The following CILK1 variants were observed in gnomAD, a reference collection of about 807,000 sequenced individuals.
CILK1 encodes ciliogenesis associated kinase 1.
A neutral mutation model predicts 79.2 loss-of-function variants in CILK1; 47 were observed. That is an observed-to-expected ratio of 0.59 (90% CI 0.47 to 0.76). The LOEUF is 0.76. Ranked by LOEUF, CILK1 falls within the 30% of genes least tolerant of loss-of-function variation. CILK1 has a pLI of 0.00. For synonymous variants in CILK1, 266 were observed against 275.9 expected, an observed-to-expected ratio of 0.96 and a Z score of 0.36; for missense variants, 660 against 769.5, an observed-to-expected ratio of 0.86 and a Z score of 1.68.
At chr6:53,031,653 G>C (rs762610875) in intron 4 of CILK1, among the ~76,000 whole-genome samples, 1 of 152,158 alleles carries the variant, frequency 6.6e-6, no homozygotes, top group African/African-American at 2.4e-5. Context: ...CCTCTTGCCA[G>C]CATGCAATTA....
chr6:53,021,171 A>T (rs1328026471), intron 5 of CILK1, among the ~76,000 whole-genome samples: 1 of 152,192 alleles, frequency 6.6e-6, no homozygotes. Flanking sequence ...AAAATATTTT[A>T]AAAATTAGCC....
intron 11 of CILK1, among the ~76,000 whole-genome samples, chr6:53,009,799 C>T (rs1764455123): frequency 6.6e-6 from 1 of 152,166 alleles, no homozygotes; most frequent in Non-Finnish European, 1.5e-5. Context: ...GGATCTGTCC[C>T]ACCTCTTGGC....
chr6:53,037,494 C>A (rs1009521920), intron 3 of CILK1, among the ~76,000 whole-genome samples: 1 of 152,078 alleles, frequency 6.6e-6, no homozygotes, highest in Non-Finnish European at 1.5e-5. Flanking sequence ...GGCTGTGGCC[C>A]AGTGCTGGTA....
intron 1 of CILK1, among the ~76,000 whole-genome samples, chr6:53,050,641 C>A (rs988888119): frequency 2.6e-5 from 4 of 151,930 alleles, no homozygotes; most frequent in African/African-American, 4.8e-5. Context: ...GCCTGGGCAA[C>A]AGGGCAAAAC....
chr6:53,032,532 C>T lies in CILK1; in HGVS notation c.278+1G>A. Reference sequence around the variant, plus strand: ...ATAAGATAATGATGACCAAACTGTACCTCTCTTTAATGAGCTGGTAAAGAT... The same window carrying T: ...ATAAGATAATGATGACCAAACTGTATCTCTCTTTAATGAGCTGGTAAAGAT... On this transcript the variant is annotated splice_donor_variant, in intron 4 of 13. Coordinates refer to ENST00000676107, the MANE Select transcript of CILK1 (RefSeq NM_014920.5). LOFTEE classifies it high-confidence loss of function. The T allele has an allele frequency of 6.2e-7, 1 of 1,601,838 alleles. No homozygotes were observed. The highest frequency in any genetic ancestry group is 8.5e-7 in the Non-Finnish European group (1 of 1,172,226).
At chr6:53,007,358 G>A (rs1407162731) in intron 12 of CILK1, among the ~76,000 whole-genome samples, 1 of 152,124 alleles carries the variant, frequency 6.6e-6, no homozygotes, top group African/African-American at 2.4e-5. Flanking sequence ...GAAGAAACAT[G>A]AAGAAAAATG....
intron 9 of CILK1, 38 bp from the exon 10 acceptor site, chr6:53,012,265 G>A: frequency 5.7e-6 from 9 of 1,589,806 alleles, no homozygotes; most frequent in Non-Finnish European, 7.8e-6. Flanking sequence ...GCAATACTTG[G>A]CATTAACAGA....
At chr6:53,035,922 C>G (rs2127445016) in intron 3 of CILK1, among the ~76,000 whole-genome samples, 1 of 150,836 alleles carries the variant, frequency 6.6e-6, no homozygotes, top group Admixed American at 6.6e-5. Flanking sequence ...GGCTGTGGCC[C>G]AGTGCTGCTA....
intron 12 of CILK1, 63 bp downstream of exon 12, chr6:53,009,376 C>G: frequency 6.5e-7 from 1 of 1,543,112 alleles, no homozygotes; most frequent in Non-Finnish European, 9.0e-7. Flanking sequence ...ACTCCTTGTG[C>G]CCACCTTCCT....
At chr6:53,056,155 T>C (rs1767851611) in intron 1 of CILK1, among the ~76,000 whole-genome samples, 2 of 152,202 alleles carry the variant, frequency 1.3e-5, no homozygotes. Flanking sequence ...GCATTATCTT[T>C]TACGGTAGTT....
In CILK1 at chr6:53,014,077, T is replaced by C. The variant is rs538860991; in HGVS notation, c.832-95A>G. On this transcript the variant is annotated intron_variant, in intron 8 of 13. Coordinates refer to ENST00000676107, the MANE Select transcript of CILK1 (RefSeq NM_014920.5). Reference sequence around the variant, plus strand: ...CTATATTTCATTGTGACCAGTTTACTACTGTTTCTTAGCCCAATTAGAAAA... The same window carrying C: ...CTATATTTCATTGTGACCAGTTTACCACTGTTTCTTAGCCCAATTAGAAAA... 8.0e-5 allele frequency: 79 copies of C among 981,854 alleles called. No homozygotes were observed. In the African/African-American group the frequency reaches 1.1e-3, roughly 13 times the overall value. 60.8% of individuals were successfully genotyped at this position (981,854 alleles called of 1,614,324 possible).
In CILK1 at chr6:53,056,861, C is replaced by T. The variant is rs536982176; in HGVS notation, c.-173+4735G>A. On this transcript the variant is annotated intron_variant, in intron 1 of 13. Coordinates refer to ENST00000676107, the MANE Select transcript of CILK1 (RefSeq NM_014920.5). ...GTCCACCCTCACTGTCATCCCGTCA[C>T]GCCCCACTTCTTTGCAAACTGGACA... Among the ~76,000 whole-genome samples the T allele has an allele frequency of 3.2e-4, 48 of 152,330 alleles. 1 individual carries two copies. The highest frequency in any genetic ancestry group is 4.6e-4 in the Admixed American group (7 of 15,306).
chr6:53,006,534 G>A (rs1432298898), intron 12 of CILK1, 97 bp from the exon 13 acceptor site: 33 of 1,383,418 alleles, frequency 2.4e-5, no homozygotes, highest in Non-Finnish European at 2.9e-5. Flanking sequence ...AACAAACTAA[G>A]TTTTTACTTT....
At chr6:53,014,889 A>C (rs148252970) in intron 8 of CILK1, among the ~76,000 whole-genome samples, 71 of 152,194 alleles carry the variant, frequency 4.7e-4, no homozygotes, top group African/African-American at 1.5e-3. Context: ...TTTTCTTTCC[A>C]TTTCTTACAT....
At chr6:53,040,068 A>G (rs898266859) in intron 2 of CILK1, among the ~76,000 whole-genome samples, 1 of 152,194 alleles carries the variant, frequency 6.6e-6, no homozygotes, top group African/African-American at 2.4e-5. Flanking sequence ...TATGCTAAAT[A>G]TGAGTGTAGT....
chr6:53,035,083 C>T (rs556523530), intron 3 of CILK1, among the ~76,000 whole-genome samples: 1 of 152,300 alleles, frequency 6.6e-6, no homozygotes, highest in South Asian at 2.1e-4. Flanking sequence ...ACGTATATAC[C>T]TGCTGAGTTC....
intron 1 of CILK1, among the ~76,000 whole-genome samples, chr6:53,059,798 T>C (rs1407630000): frequency 6.6e-6 from 1 of 152,244 alleles, no homozygotes; most frequent in Non-Finnish European, 1.5e-5. Context: ...AGAATAGATA[T>C]GATGAAGTGA....
chr6:53,031,947 C>T lies in CILK1; in HGVS notation c.278+586G>A, dbSNP rs553626810. Among the ~76,000 whole-genome samples, 3 of 152,320 alleles carry T rather than the reference C, an allele frequency of 2.0e-5. No individual in the cohort carries two copies. In the East Asian group the frequency reaches 5.8e-4, roughly 29 times the overall value. The stretch of plus-strand genomic sequence containing the variant: ...CTCCCATGTTCAAGTGATTCTCCTG[C>T]CTCAGTATCCCTAGTAACTGGGATT... On this transcript the variant is annotated intron_variant, in intron 4 of 13. Coordinates refer to ENST00000676107, the MANE Select transcript of CILK1 (RefSeq NM_014920.5).
At chr6:53,060,490 TAG>T (rs1486085054) in intron 1 of CILK1, among the ~76,000 whole-genome samples, 4 of 152,166 alleles carry the variant, frequency 2.6e-5, no homozygotes, top group Non-Finnish European at 5.9e-5. Context: ...CAGAGTCACT[TAG>T]AGAATGGGGA....
Sources: allele counts gnomAD v4.1 joint callset (sites outside exome capture counted in the v4.1 genomes callset), GRCh38; gene constraint gnomAD v4.1.1; transcripts MANE v1.5; gene names NCBI Gene and HGNC (gene_info 2026-07-23, HGNC 2026-07-21).